The following SMC1B variants were observed in gnomAD, a reference collection of about 807,000 sequenced individuals.
SMC1B encodes the protein structural maintenance of chromosomes 1B, also known as structural maintenance of chromosomes protein 1B.
Under a neutral mutation model 157.9 loss-of-function variants are expected in SMC1B, and 60 were observed. That is an observed-to-expected ratio of 0.38 (90% CI 0.31 to 0.47). The LOEUF (loss-of-function observed/expected upper bound fraction) is 0.47. Ranked by LOEUF, SMC1B falls within the 20% of genes least tolerant of loss-of-function variation. The probability of loss-of-function intolerance (pLI) is 0.99; values close to 1 mark genes in which losing one functional copy is unlikely to be tolerated. For synonymous variants in SMC1B, 445 were observed against 483.0 expected (o/e 0.92, Z 1.03); for missense variants, 1,165 against 1,426.2 (o/e 0.82, Z 2.95).
chr22:45,384,402 T>C (rs2350930), intron 11 of SMC1B, among the ~76,000 whole-genome samples: 76,176 of 151,940 alleles, frequency 0.5, 22,660 homozygotes, highest in African/African-American at 0.84. Context: ...TTTTTTGTCA[T>C]ATTGGAAAAG....
At chr22:45,388,224 A>T (rs548446246) in intron 10 of SMC1B, among the ~76,000 whole-genome samples, 62 of 152,100 alleles carry the variant, frequency 4.1e-4, no homozygotes, top group Middle Eastern at 3.4e-3. Context: ...AAAGCAGAAA[A>T]CTCATATACA....
intron 12 of SMC1B, among the ~76,000 whole-genome samples, chr22:45,378,874 C>T (rs915657024): frequency 1.2e-4 from 18 of 152,180 alleles, no homozygotes; most frequent in Non-Finnish European, 2.4e-4. Flanking sequence ...TTACTACACA[C>T]AAGGATTTTT....
chr22:45,413,167 G>A (rs531008641), intron 1 of SMC1B, among the ~76,000 whole-genome samples: 1 of 152,170 alleles, frequency 6.6e-6, no homozygotes, highest in South Asian at 2.1e-4. Flanking sequence ...GGTGGAGGGC[G>A]AGAGCGGGGC....
intron 15 of SMC1B, among the ~76,000 whole-genome samples, chr22:45,368,489 A>AT (rs1446896067): frequency 1.4e-5 from 2 of 145,502 alleles, no homozygotes; most frequent in Admixed American, 6.8e-5. Context: ...AAAAAGATGC[A>AT]TTTTTTCCTC....
intron 23 of SMC1B, among the ~76,000 whole-genome samples, chr22:45,348,685 T>A (rs1174628803): frequency 6.6e-6 from 1 of 151,784 alleles, no homozygotes. Context: ...AATCAACTTG[T>A]TTTAGATATT....
At chr22:45,357,251 G>A (rs1036740024) in intron 19 of SMC1B, among the ~76,000 whole-genome samples, 1 of 152,242 alleles carries the variant, frequency 6.6e-6, no homozygotes, top group Admixed American at 6.5e-5. Flanking sequence ...CTGCACTCAT[G>A]TGGCATTCAG....
At chr22:45,349,562 CTGACCTTGTGATCTGCCTGCCT>C (rs2086589917) in intron 23 of SMC1B, among the ~76,000 whole-genome samples, 144 bp downstream of exon 23, 2 of 108,710 alleles carry the variant, frequency 1.8e-5, no homozygotes, top group African/African-American at 7.6e-5. Context: ...TCTTAAACTC[CTGACCTTGTGATCTGCCTGCCT>C]CGGCCTCCCA....
At chr22:45,392,398 C>T (rs1602085348) in intron 9 of SMC1B, among the ~76,000 whole-genome samples, 1 of 150,910 alleles carries the variant, frequency 6.6e-6, no homozygotes, top group Non-Finnish European at 1.5e-5. Flanking sequence ...TGCTATACTT[C>T]AATACTTTTT....
chr22:45,360,458 A>G (rs1212909246), intron 17 of SMC1B, among the ~76,000 whole-genome samples: 1 of 152,334 alleles, frequency 6.6e-6, no homozygotes, highest in Non-Finnish European at 1.5e-5. Context: ...AATGGAAAAA[A>G]AAAGAAAGAA....
chr22:45,409,609 TAAAA>T (rs71190664), intron 1 of SMC1B, among the ~76,000 whole-genome samples: 5,797 of 84,302 alleles, frequency 0.069, 187 homozygotes, highest in Admixed American at 0.13. Flanking sequence ...AATAAATAAA[TAAAA>T]ACAAGAGAAG....
intron 17 of SMC1B, among the ~76,000 whole-genome samples, chr22:45,360,973 CTTT>C (rs57185919): frequency 1.1e-4 from 16 of 143,044 alleles, no homozygotes; most frequent in Non-Finnish European, 1.4e-4. Flanking sequence ...GTGCCAGGTA[CTTT>C]TTTTTTTTTT....
chr22:45,398,744 G>A (rs985437982), intron 6 of SMC1B, among the ~76,000 whole-genome samples: 17 of 152,072 alleles, frequency 1.1e-4, no homozygotes, highest in Admixed American at 5.2e-4. Flanking sequence ...CAGGAGAATC[G>A]CTTGAACCCA....
intron 6 of SMC1B, among the ~76,000 whole-genome samples, chr22:45,397,955 G>C (rs909153211): frequency 2.0e-5 from 3 of 152,220 alleles, no homozygotes; most frequent in Admixed American, 2.0e-4. Flanking sequence ...CACTGAACGT[G>C]GGTACACAGA....
rs2086657275 is a variant in SMC1B, at chr22:45,355,135, AC to A, written c.2962-21del. 1.9e-6 allele frequency: 3 copies of A among 1,613,574 alleles called. No homozygotes were observed. In the African/African-American group the frequency reaches 4.0e-5, roughly 22 times the overall value. On this transcript the variant is annotated intron_variant, in intron 19 of 24. Transcript: ENST00000357450. Reference sequence around the variant, plus strand: ...TAGAGCCTATTATGGGCAAAGAACAACACTGACTGGCATGGCATGTCTTTTA... The same window carrying A: ...TAGAGCCTATTATGGGCAAAGAACAAACTGACTGGCATGGCATGTCTTTTA...
chr22:45,363,530 A>G, intron 15 of SMC1B, among the ~76,000 whole-genome samples: 1 of 152,020 alleles, frequency 6.6e-6, no homozygotes, highest in African/African-American at 2.4e-5. Flanking sequence ...AAAATACAAC[A>G]ATTATCCAGG....
Position 45,408,819 on chromosome 22 carries a change from T to A in SMC1B, c.189A>T (p.Glu63Asp). Residue 63 changes from glutamate (E) to aspartate (D), a missense_variant, in exon 2 of 25, where the codon GAA (glutamate) becomes GAT (aspartate). Coordinates refer to ENST00000357450, the MANE Select transcript of SMC1B (RefSeq NM_148674.5). The stretch of plus-strand genomic sequence containing the variant: ...TTCCAATATGTGCTCCATGAATGAG[T>A]TCTTGAATATTTTTCACTCTTAAAT... Reference protein sequence around the residue: ...IANLRVKNIQELIHGAHIGKP... With the variant: ...IANLRVKNIQDLIHGAHIGKP... The A allele has an allele frequency of 6.4e-7, 1 of 1,574,710 alleles. No individual in the cohort carries two copies. Among genetic ancestry groups the A allele is most frequent in the Non-Finnish European group, 8.6e-7 (1 of 1,164,190 alleles).
intron 12 of SMC1B, among the ~76,000 whole-genome samples, chr22:45,383,151 A>G (rs2086954002): frequency 6.6e-6 from 1 of 151,912 alleles, no homozygotes; most frequent in Non-Finnish European, 1.5e-5. Context: ...AAAACAAAAA[A>G]CAAACAAAAA....
At chr22:45,409,488 C>G (rs2087303438) in intron 1 of SMC1B, among the ~76,000 whole-genome samples, 1 of 151,916 alleles carries the variant, frequency 6.6e-6, no homozygotes, top group South Asian at 2.1e-4. Context: ...TTGCTTGAAC[C>G]TAGGAGGCGG....
rs2146847501 is a variant in SMC1B at position 45,402,627 on chromosome 22, T to G, written c.616-56A>C. 4.2e-6 allele frequency: 5 copies of G among 1,190,344 alleles called. No individual in the cohort carries two copies. The East Asian group carries it at 9.4e-5, about 22-fold the overall frequency. 73.7% of individuals were successfully genotyped at this position (1,190,344 alleles called of 1,614,324 possible). ...AAAGGGAGTGTATTTAAGTTGGCCT[T>G]TCATAAACTCAACTACTATACCAAC... On this transcript the variant is annotated intron_variant, in intron 4 of 24. Coordinates refer to ENST00000357450, the MANE Select transcript of SMC1B (RefSeq NM_148674.5).
Sources: gnomAD v4.1 joint callset for allele counts (sites outside exome capture counted in the v4.1 genomes callset) on GRCh38, gnomAD v4.1.1 for gene constraint, MANE v1.5 for transcripts, NCBI Gene and HGNC (gene_info 2026-07-23, HGNC 2026-07-21) for gene names.